STAG1: variants seen among roughly 807,000 people sequenced by gnomAD.
STAG1 encodes the protein cohesin subunit SA-1.
Under a neutral mutation model 170.9 loss-of-function variants are expected in STAG1, and 26 were observed. The observed-to-expected ratio is 0.15, with a 90% CI of 0.11 to 0.21. STAG1 has a LOEUF of 0.21. Among genes scored for constraint, STAG1 ranks in the 10% least tolerant of loss-of-function variants. STAG1 has a pLI of 1.00. For missense variants in STAG1, 964 were observed against 1,509.5 expected, an observed-to-expected ratio of 0.64 and a Z score of 5.99; for synonymous variants, 514 against 497.7, an observed-to-expected ratio of 1.03 and a Z score of -0.44.
chr3:136,671,572 AAGG>A (rs1338694539), intron 1 of STAG1, among the ~76,000 whole-genome samples: 1 of 152,216 alleles, frequency 6.6e-6, no homozygotes, highest in African/African-American at 2.4e-5. Context: ...ACTCTTGAAG[AAGG>A]AGTTTAATGA....
chr3:136,650,937 A>G (rs1430538611), intron 1 of STAG1, among the ~76,000 whole-genome samples: 1 of 151,354 alleles, frequency 6.6e-6, no homozygotes, highest in Non-Finnish European at 1.5e-5. Flanking sequence ...AAAAAAAACA[A>G]GGAAGATGCA....
At chr3:136,695,678 C>T (rs534097726) in intron 1 of STAG1, among the ~76,000 whole-genome samples, 49 of 150,674 alleles carry the variant, frequency 3.3e-4, no homozygotes, top group Middle Eastern at 3.5e-3. Flanking sequence ...GGGTGAAAGT[C>T]CCCATACACA....
At position 136,472,523 on chromosome 3, in the gene STAG1, C is replaced by T. The variant is rs369749667; in HGVS notation, c.1126-31G>A. 22 of 1,497,434 alleles carry T rather than the reference C, an allele frequency of 1.5e-5. No homozygotes were observed. In the African/African-American group the frequency reaches 2.8e-4, roughly 19 times the overall value. The allele number at this position is 1,497,434 out of a possible 1,614,324, so 92.8% of individuals were successfully genotyped here. A position where few individuals can be genotyped will look rare whatever the true frequency, so the allele number is the denominator to read the frequency against. On this transcript the variant is annotated intron_variant, in intron 11 of 33. Transcript: ENST00000383202. ...AAAAAAAAGTTGTAAAACAAACCAA[C>T]TATGAACAGAAAATAAGCTGGGACA...
At chr3:136,394,195 T>C (rs2087088083) in intron 22 of STAG1, among the ~76,000 whole-genome samples, 1 of 152,230 alleles carries the variant, frequency 6.6e-6, no homozygotes, top group Non-Finnish European at 1.5e-5. Context: ...CATGAGCCAC[T>C]GCACCCAGCT....
chr3:136,628,254 G>A (rs547076091), intron 2 of STAG1, among the ~76,000 whole-genome samples: 2 of 152,100 alleles, frequency 1.3e-5, no homozygotes, highest in African/African-American at 4.8e-5. Flanking sequence ...CTGAGGCCTC[G>A]CCAGCCATGC....
chr3:136,508,620 A>C (rs1471457308), intron 7 of STAG1, among the ~76,000 whole-genome samples: 1 of 152,190 alleles, frequency 6.6e-6, no homozygotes, highest in Non-Finnish European at 1.5e-5. Flanking sequence ...CCCAGAATTC[A>C]AGGTTGCAGT....
chr3:136,745,519 G>C (rs996976999), intron 1 of STAG1, among the ~76,000 whole-genome samples: 4 of 152,174 alleles, frequency 2.6e-5, no homozygotes, highest in Non-Finnish European at 5.9e-5. Context: ...ATTAGATAAA[G>C]CACGCAACGT....
intron 1 of STAG1, among the ~76,000 whole-genome samples, chr3:136,660,999 G>C (rs1034434951): frequency 6.6e-6 from 1 of 151,874 alleles, no homozygotes; most frequent in Non-Finnish European, 1.5e-5. Flanking sequence ...ATAAAACCTG[G>C]GGACTACTGT....
intron 1 of STAG1, among the ~76,000 whole-genome samples, chr3:136,638,610 C>CA (rs1378312277): frequency 6.6e-6 from 1 of 151,970 alleles, no homozygotes; most frequent in Admixed American, 6.6e-5. Flanking sequence ...TTTTAAAAAA[C>CA]AAAAAATCAT....
At chr3:136,622,068 C>T (rs1330000230) in intron 3 of STAG1, among the ~76,000 whole-genome samples, 5 of 132,010 alleles carry the variant, frequency 3.8e-5, no homozygotes, top group Non-Finnish European at 6.2e-5. Flanking sequence ...GAGGCTGAGG[C>T]GGGTGGATCA....
At chr3:136,715,950 T>A (rs1217541786) in intron 1 of STAG1, among the ~76,000 whole-genome samples, 4 of 151,366 alleles carry the variant, frequency 2.6e-5, no homozygotes, top group Non-Finnish European at 5.9e-5. Context: ...ATAAAAAAAA[T>A]TAGCCAGTGT....
chr3:136,749,715 C>T (rs1490657410), intron 1 of STAG1, among the ~76,000 whole-genome samples: 4 of 149,058 alleles, frequency 2.7e-5, no homozygotes, highest in Non-Finnish European at 5.9e-5. Context: ...CACTGCACTC[C>T]AGCCTGGTGA....
At chr3:136,450,992 G>GCCCACCTCGGCCT in intron 14 of STAG1, among the ~76,000 whole-genome samples, 1 of 152,014 alleles carries the variant, frequency 6.6e-6, no homozygotes, top group East Asian at 1.9e-4. Flanking sequence ...GAAGTGATCT[G>GCCCACCTCGGCCT]CCCACCTCGG....
At chr3:136,574,107 G>A (rs1937364396) in intron 4 of STAG1, among the ~76,000 whole-genome samples, 1 of 151,998 alleles carries the variant, frequency 6.6e-6, no homozygotes, top group African/African-American at 2.4e-5. Flanking sequence ...TGGGCATGGT[G>A]GCACGCGCCT....
intron 6 of STAG1, among the ~76,000 whole-genome samples, chr3:136,534,895 C>T (rs1375572603): frequency 2.0e-5 from 3 of 152,078 alleles, no homozygotes; most frequent in South Asian, 2.1e-4. Flanking sequence ...CCCACTACTA[C>T]GTATTTATCC....
At chr3:136,370,063 A>G (rs975019625) in intron 23 of STAG1, among the ~76,000 whole-genome samples, 4 of 31,760 alleles carry the variant, frequency 1.3e-4, no homozygotes, top group Non-Finnish European at 2.7e-4. Context: ...ATACTATACT[A>G]TACTATACTA....
intron 22 of STAG1, among the ~76,000 whole-genome samples, chr3:136,383,118 C>T (rs1327187610): frequency 2.6e-5 from 4 of 152,124 alleles, no homozygotes; most frequent in Non-Finnish European, 5.9e-5. Context: ...ATTACTGGGT[C>T]ATGTGATAGT....
chr3:136,379,499 A>G (rs1937817169), intron 22 of STAG1, among the ~76,000 whole-genome samples: 1 of 152,200 alleles, frequency 6.6e-6, no homozygotes, highest in Non-Finnish European at 1.5e-5. Context: ...ACCTGAGGTC[A>G]GGAGTTCGAG....
At chr3:136,376,983 C>A (rs1172220096) in intron 23 of STAG1, among the ~76,000 whole-genome samples, 3 of 151,158 alleles carry the variant, frequency 2.0e-5, no homozygotes, top group Non-Finnish European at 3.0e-5. Context: ...TTAGTACAGA[C>A]GGGGTTGACA....
Sources: allele counts gnomAD v4.1 joint callset (sites outside exome capture counted in the v4.1 genomes callset), GRCh38; gene constraint gnomAD v4.1.1; transcripts MANE v1.5; gene names NCBI Gene and HGNC (gene_info 2026-07-23, HGNC 2026-07-21).